The following GSE1 variants were observed in gnomAD, a reference collection of about 807,000 sequenced individuals.
GSE1 encodes the protein Gse1 coiled-coil protein, also known as genetic suppressor element 1.
Under a neutral mutation model 112.6 loss-of-function variants are expected in GSE1, and 32 were observed. That is an observed-to-expected ratio of 0.28 (90% CI 0.21 to 0.38). The LOEUF (loss-of-function observed/expected upper bound fraction) is 0.38, where lower values mean the gene tolerates loss of function less well. Among genes scored for constraint, GSE1 ranks in the 10% least tolerant of loss-of-function variants. The probability of loss-of-function intolerance (pLI) is 1.00; values close to 1 mark genes in which losing one functional copy is unlikely to be tolerated. For missense variants in GSE1, 2,348 were observed against 1,699.2 expected (o/e 1.38, Z -6.71); for synonymous variants, 1,115 against 735.6 (o/e 1.52, Z -8.35).
At chr16:85,668,049 C>T in intron 13 of GSE1, 91 bp from the exon 14 acceptor site, 1 of 992,990 alleles carries the variant, frequency 1.0e-6, no homozygotes, top group Non-Finnish European at 1.5e-6. Flanking sequence ...CATGTTGACT[C>T]TGCACCAAGG....
chr16:85,380,657 ACAT>A (rs943258268), intron 2 of GSE1, among the ~76,000 whole-genome samples: 8 of 152,152 alleles, frequency 5.3e-5, no homozygotes, highest in Non-Finnish European at 7.4e-5. Flanking sequence ...TGAAATCTTG[ACAT>A]CAACAAGGTT....
At chr16:85,361,830 T>G (rs893037416) in intron 2 of GSE1, among the ~76,000 whole-genome samples, 6 of 151,880 alleles carry the variant, frequency 4.0e-5, no homozygotes, top group Admixed American at 2.0e-4. Context: ...CGGTGATGAG[T>G]TTGGTAACAC....
At chr16:85,507,955 CAAAG>C (rs750930032) in intron 2 of GSE1, among the ~76,000 whole-genome samples, 53 of 152,298 alleles carry the variant, frequency 3.5e-4, no homozygotes, top group Admixed American at 2.4e-3. Context: ...CCCTGCATGA[CAAAG>C]AGTGTGCCCA....
At chr16:85,179,360 C>T (rs1005680875) in intron 1 of GSE1, among the ~76,000 whole-genome samples, 6 of 152,200 alleles carry the variant, frequency 3.9e-5, no homozygotes, top group African/African-American at 1.4e-4. Flanking sequence ...TGGCTAAGAA[C>T]GCCGTTGTAT....
intron 2 of GSE1, among the ~76,000 whole-genome samples, chr16:85,471,610 C>T (rs1597858137): frequency 1.3e-5 from 2 of 152,244 alleles, no homozygotes; most frequent in East Asian, 1.9e-4. Context: ...CACAGGGTCT[C>T]GCTATGTTGC....
chr16:85,328,467 C>G (rs922528295), intron 1 of GSE1, among the ~76,000 whole-genome samples: 1 of 152,256 alleles, frequency 6.6e-6, no homozygotes, highest in South Asian at 2.1e-4. Flanking sequence ...GGCCTTCCCC[C>G]GCCCGCCTAG....
At chr16:85,567,045 C>T (rs1188232482) in intron 1 of GSE1, among the ~76,000 whole-genome samples, 1 of 144,956 alleles carries the variant, frequency 6.9e-6, no homozygotes, top group Admixed American at 6.8e-5. Context: ...CCCCCACCCC[C>T]ACCCCCACCC....
At chr16:85,391,341 C>G (rs1012725222) in intron 2 of GSE1, among the ~76,000 whole-genome samples, 1 of 152,244 alleles carries the variant, frequency 6.6e-6, no homozygotes, top group Non-Finnish European at 1.5e-5. Context: ...GTGGTAGTGA[C>G]TTGTGATATC....
intron 2 of GSE1, among the ~76,000 whole-genome samples, chr16:85,501,137 A>T (rs1372128650): frequency 6.7e-6 from 1 of 148,300 alleles, no homozygotes; most frequent in Non-Finnish European, 1.5e-5. Context: ...AGCAGTTGGG[A>T]CTACAGGCGC....
chr16:85,540,493 C>T (rs2044481910), intron 2 of GSE1, among the ~76,000 whole-genome samples: 1 of 152,206 alleles, frequency 6.6e-6, no homozygotes, highest in Non-Finnish European at 1.5e-5. Flanking sequence ...GCCATAAAAA[C>T]AGAAATTCAA....
chr16:85,561,478 C>T (rs1302977389), intron 1 of GSE1, among the ~76,000 whole-genome samples: 1 of 152,154 alleles, frequency 6.6e-6, no homozygotes, highest in Admixed American at 6.5e-5. Context: ...CAGCCATCAG[C>T]TGACCCCACC....
At chr16:85,365,772 A>T (rs1250613618) in intron 2 of GSE1, among the ~76,000 whole-genome samples, 1 of 152,220 alleles carries the variant, frequency 6.6e-6, no homozygotes, top group African/African-American at 2.4e-5. Context: ...ATGTGTTGAA[A>T]TCAGTTATTC....
At chr16:85,357,402 T>C in intron 1 of GSE1, 1 of 1,036,822 alleles carries the variant, frequency 9.6e-7, no homozygotes, top group South Asian at 1.8e-5. Context: ...GAGAGTCCAT[T>C]CATGCATCAT....
At chr16:85,649,616 G>A (rs569321063) in intron 3 of GSE1, among the ~76,000 whole-genome samples, 1 of 150,222 alleles carries the variant, frequency 6.7e-6, no homozygotes, top group Non-Finnish European at 1.5e-5. Context: ...CCCTCAGGTG[G>A]GTACCTGCAG....
chr16:85,326,427 T>G (rs1212087804), intron 1 of GSE1, among the ~76,000 whole-genome samples: 1 of 152,242 alleles, frequency 6.6e-6, no homozygotes, highest in African/African-American at 2.4e-5. Flanking sequence ...AATCTCATTT[T>G]GAATGGTAAT....
Position 85,601,363 on chromosome 16 carries a change from G to A in GSE1, c.37+45000G>A, listed in dbSNP as rs561145931. On this transcript the variant is annotated intron_variant, in intron 1 of 2. Coordinates refer to the GSE1 transcript ENST00000635906. ...GCCAGGCCCACGGCAGTCAGGGAAC[G>A]TGGGAGCAACTTTACTGGCACTGGG... 7.6e-4 allele frequency among the ~76,000 whole-genome samples: 115 copies of A among 152,220 alleles called. 1 individual carries two copies. The highest frequency in any genetic ancestry group is 2.7e-3 in the African/African-American group (114 of 41,536).
intron 1 of GSE1, among the ~76,000 whole-genome samples, chr16:85,324,413 G>C (rs1163795949): frequency 6.6e-6 from 1 of 151,910 alleles, no homozygotes; most frequent in Non-Finnish European, 1.5e-5. Context: ...GGGAGGCTGA[G>C]GCAGGAGAAT....
intron 2 of GSE1, among the ~76,000 whole-genome samples, chr16:85,444,227 TC>T (rs1315179793): frequency 6.6e-6 from 1 of 152,040 alleles, no homozygotes; most frequent in African/African-American, 2.4e-5. Context: ...CTCGTGACCC[TC>T]CCGCCTCGGC....
intron 2 of GSE1, among the ~76,000 whole-genome samples, chr16:85,531,021 C>G (rs772664358): frequency 1.3e-5 from 2 of 152,242 alleles, no homozygotes; most frequent in Non-Finnish European, 2.9e-5. Flanking sequence ...GGAGCAGGGG[C>G]TGATCTCTGG....
Sources: allele counts gnomAD v4.1 joint callset (sites outside exome capture counted in the v4.1 genomes callset), GRCh38; gene constraint gnomAD v4.1.1; transcripts MANE v1.5; gene names NCBI Gene and HGNC (gene_info 2026-07-23, HGNC 2026-07-21).